Variants in DROSHA observed in about 807,000 individuals in gnomAD.
DROSHA encodes the protein ribonuclease 3.
Under a neutral mutation model 181.9 loss-of-function variants are expected in DROSHA, and 56 were observed. That is an observed-to-expected ratio of 0.31 (90% CI 0.25 to 0.38). The LOEUF is 0.38. DROSHA is among the 10% of genes least tolerant of loss of function. The pLI is 1.00. For missense variants in DROSHA, 1,218 were observed against 1,743.5 expected, an observed-to-expected ratio of 0.70 and a Z score of 5.37; for synonymous variants, 524 against 591.2, an observed-to-expected ratio of 0.89 and a Z score of 1.65.
In DROSHA at chr5:31,422,922, C is replaced by T. The variant is rs1311212433; in HGVS notation, c.3284G>A (p.Arg1095Gln). The T allele has an allele frequency of 1.2e-6, 2 of 1,607,140 alleles. No individual in the cohort carries two copies. The highest frequency in any genetic ancestry group is 1.1e-5 in the South Asian group (1 of 89,822). ...AACTGGAGAAGTTTCAATAAGTTGT[C>T]GATCAGTATTTGGCTCTTGTAGCTA... ...PLQLQEPNTDRQLIETSPVLQ... is the reference protein window; with the variant it reads ...PLQLQEPNTDQQLIETSPVLQ... The change falls in exon 29 of 36, where the codon CGA (arginine) becomes CAA (glutamine). Residue 1095 changes from arginine (R) to glutamine (Q), a missense_variant. Physicochemically the swap from Arg to Gln is conservative, Grantham distance 43. Transcript: ENST00000344624.
intron 5 of DROSHA, among the ~76,000 whole-genome samples, chr5:31,525,109 T>C (rs1740364801): frequency 6.6e-6 from 1 of 151,972 alleles, no homozygotes; most frequent in South Asian, 2.1e-4. Flanking sequence ...GGGGGGCTGA[T>C]CACCTGAGGT....
At chr5:31,513,541 G>T (rs1184132772) in intron 8 of DROSHA, among the ~76,000 whole-genome samples, 1 of 152,120 alleles carries the variant, frequency 6.6e-6, no homozygotes, top group Non-Finnish European at 1.5e-5. Context: ...TCCCTTCCCT[G>T]TACCACATCA....
chr5:31,523,568 A>G (rs965175959), intron 5 of DROSHA, among the ~76,000 whole-genome samples: 2 of 152,216 alleles, frequency 1.3e-5, no homozygotes, highest in African/African-American at 4.8e-5. Flanking sequence ...TTTGCTGCAA[A>G]ATGTTTTCCC....
chr5:31,475,315 C>T (rs943413258), intron 16 of DROSHA, among the ~76,000 whole-genome samples: 1 of 152,114 alleles, frequency 6.6e-6, no homozygotes, highest in African/African-American at 2.4e-5. Context: ...AAGACCCTGT[C>T]TCAAAAAATA....
At chr5:31,465,602 C>T (rs1748905643) in intron 19 of DROSHA, among the ~76,000 whole-genome samples, 1 of 152,108 alleles carries the variant, frequency 6.6e-6, no homozygotes, top group Non-Finnish European at 1.5e-5. Flanking sequence ...TGTTTTGGCC[C>T]CTCCAAATTT....
intron 34 of DROSHA, among the ~76,000 whole-genome samples, chr5:31,405,989 C>A (rs1428771552): frequency 1.3e-5 from 2 of 151,652 alleles, no homozygotes; most frequent in Non-Finnish European, 2.9e-5. Context: ...CAATAAAATG[C>A]CTTCCATTTA....
In DROSHA at chr5:31,435,237, C is replaced by T. The variant is rs538569301; in HGVS notation, c.3042+528G>A. Among the ~76,000 whole-genome samples, 10 of 152,280 alleles carry T rather than the reference C, an allele frequency of 6.6e-5. No homozygotes were observed. In the East Asian group the frequency reaches 1.7e-3, roughly 26 times the overall value. ...TGAATTATGAAAAGGTTCTGTTAGT[C>T]ACTGAGCTAAGTCAATGAGGCTAGG... On this transcript the variant is annotated intron_variant, in intron 25 of 35. Coordinates refer to ENST00000344624, the MANE Select transcript of DROSHA (RefSeq NM_001382508.1).
chr5:31,404,000 C>T (rs1482548306), intron 35 of DROSHA, among the ~76,000 whole-genome samples: 1 of 152,018 alleles, frequency 6.6e-6, no homozygotes, highest in African/African-American at 2.4e-5. Flanking sequence ...TCACTGCAGC[C>T]TCGAACCCCT....
intron 19 of DROSHA, among the ~76,000 whole-genome samples, chr5:31,465,340 T>C (rs1428320217): frequency 3.3e-5 from 5 of 152,160 alleles, no homozygotes; most frequent in African/African-American, 1.2e-4. Context: ...TAAGGAAATA[T>C]GGAATTTGGG....
At chr5:31,413,594 G>C (rs1741592267) in intron 30 of DROSHA, among the ~76,000 whole-genome samples, 1 of 152,224 alleles carries the variant, frequency 6.6e-6, no homozygotes, top group African/African-American at 2.4e-5. Flanking sequence ...GCCCCGTGCT[G>C]ACAGCTGAAG....
intron 8 of DROSHA, among the ~76,000 whole-genome samples, chr5:31,512,872 C>T (rs1217147392): frequency 6.6e-6 from 1 of 152,200 alleles, no homozygotes; most frequent in Non-Finnish European, 1.5e-5. Flanking sequence ...GTCCTCCAGA[C>T]ACAAGCAACT....
At position 31,422,891 on chromosome 5, in the gene DROSHA, T is replaced by C. The variant is rs1305587335; in HGVS notation, c.3315A>G (p.Gln1105=). 3 of 1,612,948 alleles carry C rather than the reference T, an allele frequency of 1.9e-6. No homozygotes were observed. The African/African-American group carries it at 4.0e-5, about 22-fold the overall frequency. ...TTGCTTCTTCAAACTCAGTAAGTTT[T>C]TGTAGAACTGGAGAAGTTTCAATAA... ...RQLIETSPVL[Q]KLTEFEEAIG... The change falls in exon 29 of 36, where the codon CAA becomes CAG. Residue 1105 remains glutamine (Q), a synonymous_variant. Transcript: ENST00000344624.
At chr5:31,483,429 C>T (rs1751272790) in intron 16 of DROSHA, 125 bp downstream of exon 16, 1 of 891,768 alleles carries the variant, frequency 1.1e-6, no homozygotes, top group African/African-American at 1.7e-5. Flanking sequence ...CCGTGCCTAA[C>T]CTGAGAAGTA....
rs187669170 is a variant in DROSHA at position 31,449,650 on chromosome 5, C to A, written c.2683-231G>T. On this transcript the variant is annotated intron_variant, in intron 21 of 35. Coordinates refer to ENST00000344624, the MANE Select transcript of DROSHA (RefSeq NM_001382508.1). ...GCTGAGGTGGGAGGATCACTTGAGC[C>A]CAGGAGGTCGAGGCTGCAGTGAGCT... 2.8e-3 allele frequency among the ~76,000 whole-genome samples: 429 copies of A among 152,152 alleles called. 3 individuals are homozygous for A. Among genetic ancestry groups the A allele is most frequent in the South Asian group, 0.013 (63 of 4,826 alleles).
chr5:31,488,376 T>C (rs996101881), intron 13 of DROSHA, among the ~76,000 whole-genome samples: 3 of 138,248 alleles, frequency 2.2e-5, no homozygotes, highest in Non-Finnish European at 4.5e-5. Flanking sequence ...TCATGCCACT[T>C]CACTCCAGCC....
At chr5:31,502,257 C>G (rs1334781655) in intron 11 of DROSHA, among the ~76,000 whole-genome samples, 1 of 152,228 alleles carries the variant, frequency 6.6e-6, no homozygotes, top group Non-Finnish European at 1.5e-5. Flanking sequence ...ACAAGCAGCC[C>G]TGCTGCTGGG....
In DROSHA at chr5:31,409,665, T is replaced by C. The variant is rs1561114363; in HGVS notation, c.3668-333A>G. The C allele has an allele frequency of 5.1e-6, 1 of 196,602 alleles. No individual in the cohort carries two copies. The highest frequency in any genetic ancestry group is 1.1e-5 in the Non-Finnish European group (1 of 94,878). The allele number at this position is 196,602 out of a possible 1,614,324, so 12.2% of individuals were successfully genotyped here. ...TGTTCACATCAAATAAGTCAAAATA[T>C]TACTTGAAGATTAGATATGATGCCA... On this transcript the variant is annotated intron_variant, in intron 31 of 35. Coordinates refer to ENST00000344624, the MANE Select transcript of DROSHA (RefSeq NM_001382508.1). This position sits in a 1 kb window ranked among gnomAD's most constrained non-coding sequence, Gnocchi z 4.0.
intron 30 of DROSHA, among the ~76,000 whole-genome samples, chr5:31,420,344 T>C (rs1042249083): frequency 2.6e-5 from 4 of 152,230 alleles, no homozygotes; most frequent in Non-Finnish European, 4.4e-5. Flanking sequence ...TGTCCAGTCC[T>C]CAAGGGACTT....
At chr5:31,442,281 T>G (rs1745688183) in intron 23 of DROSHA, among the ~76,000 whole-genome samples, 2 of 152,206 alleles carry the variant, frequency 1.3e-5, no homozygotes, top group Non-Finnish European at 2.9e-5. Context: ...TAAATAAGAA[T>G]GGGGATTAAA....
Sources: gnomAD v4.1 joint callset for allele counts (sites outside exome capture counted in the v4.1 genomes callset) on GRCh38, gnomAD v4.1.1 for gene constraint, Gnocchi (gnomAD v3.1) non-coding constraint, MANE v1.5 for transcripts, NCBI Gene and HGNC (gene_info 2026-07-23, HGNC 2026-07-21) for gene names.